The following NUP107 variants were observed in gnomAD, a reference collection of about 807,000 sequenced individuals.
The protein encoded by NUP107 is nuclear pore complex protein Nup107.
Under a neutral mutation model 141.0 loss-of-function variants are expected in NUP107, and 101 were observed. That is an observed-to-expected ratio of 0.72 (90% CI 0.61 to 0.84). The LOEUF (loss-of-function observed/expected upper bound fraction) is 0.84, where lower values mean the gene tolerates loss of function less well. NUP107 is among the 40% of genes least tolerant of loss of function. NUP107 has a pLI of 0.00. For synonymous variants in NUP107, 319 were observed against 363.9 expected (o/e 0.88, Z 1.41); for missense variants, 941 against 1,102.7 (o/e 0.85, Z 2.08).
intron 5 of NUP107, among the ~76,000 whole-genome samples, chr12:68,692,577 TA>T (rs1243139263): frequency 4.5e-4 from 51 of 112,650 alleles, no homozygotes; most frequent in Admixed American, 3.8e-4. Flanking sequence ...AGACTCCGTC[TA>T]AAAAAAAAAA....
At chr12:68,732,478 A>T (rs1230511135) in intron 22 of NUP107, 159 bp from the exon 23 acceptor site, 3 of 501,816 alleles carry the variant, frequency 6.0e-6, no homozygotes, top group Non-Finnish European at 1.1e-5. Context: ...ATATGAAAAT[A>T]CACTAAGGAA....
In NUP107 at chr12:68,719,327, T is replaced by A. The variant is rs1007761331; in HGVS notation, c.1084-14T>A. 2 of 1,610,022 alleles carry A rather than the reference T, an allele frequency of 1.2e-6. No individual in the cohort carries two copies. The highest frequency in any genetic ancestry group is 1.7e-6 in the Non-Finnish European group (2 of 1,176,896). On this transcript the variant is annotated splice_polypyrimidine_tract_variant and intron_variant, in intron 12 of 27. Coordinates refer to ENST00000229179, the MANE Select transcript of NUP107 (RefSeq NM_020401.4). ...CCTGGTTATTGGACTGACTGCTCTT[T>A]CTTGTTTTCTAAGGCACAACGACTC...
Position 68,742,466 on chromosome 12 carries a change from A to C in NUP107, c.*4A>C. On this transcript the variant is annotated 3_prime_UTR_variant, in exon 28 of 28. Coordinates refer to ENST00000229179, the MANE Select transcript of NUP107 (RefSeq NM_020401.4). ...AGGGTATGAAATTCAGTTATAGTTT[A>C]ATCTTTGTAATCTCACTAATTTTCA... is the stretch of plus-strand genomic sequence containing the variant. The C allele has an allele frequency of 7.4e-7, 1 of 1,357,096 alleles. No homozygotes were observed. 84.1% of individuals were successfully genotyped at this position (1,357,096 alleles called of 1,614,324 possible).
chr12:68,728,421 C>CT (rs775566595), intron 20 of NUP107, among the ~76,000 whole-genome samples: 62,116 of 112,504 alleles, frequency 0.55, 18,583 homozygotes, highest in Non-Finnish European at 0.58. Flanking sequence ...GAAAACCTGT[C>CT]TTTTTTTTTT....
chr12:68,733,359 C>T (rs1319475517), intron 23 of NUP107, 93 bp from the exon 24 acceptor site: 1 of 1,179,150 alleles, frequency 8.5e-7, no homozygotes, highest in Non-Finnish European at 1.2e-6. Context: ...AGTTACAGGT[C>T]ACTGTAAAAT....
chr12:68,710,005 C>T lies in NUP107; in HGVS notation c.802C>T (p.Leu268=), dbSNP rs1555177381. 9 of 1,565,620 alleles carry T rather than the reference C, an allele frequency of 5.7e-6. No homozygotes were observed. In the Admixed American group the frequency reaches 1.5e-4, roughly 27 times the overall value. ...QRDSLVRQSQ[L]VVDWLESIAK... is the part of the protein sequence containing the mutation. ...ATTTATTTTTTTCTTTCTTTCTTAG[C>T]TGGTGGTAGATTGGTTAGAGAGTAT... is the stretch of plus-strand genomic sequence containing the variant. Residue 268 remains leucine (L), a splice_region_variant and synonymous_variant, in exon 10 of 28, where the codon CTG becomes TTG. Transcript: ENST00000229179.
intron 9 of NUP107, among the ~76,000 whole-genome samples, chr12:68,709,757 T>G (rs1377978709): frequency 6.6e-6 from 1 of 151,714 alleles, no homozygotes. Flanking sequence ...GGTGTGGTGG[T>G]GGGCGCCTGT....
intron 1 of NUP107, among the ~76,000 whole-genome samples, chr12:68,687,948 A>G (rs1056135611): frequency 6.6e-6 from 1 of 152,144 alleles, no homozygotes; most frequent in Non-Finnish European, 1.5e-5. Context: ...AGGCTCTTTG[A>G]GGAGTAAGTA....
intron 6 of NUP107, among the ~76,000 whole-genome samples, chr12:68,698,779 A>T (rs1188473603): frequency 6.6e-6 from 1 of 152,226 alleles, no homozygotes; most frequent in Non-Finnish European, 1.5e-5. Context: ...GCCAGGAGTT[A>T]GTTGCGAGGG....
chr12:68,697,674 T>G (rs188697577), intron 6 of NUP107, among the ~76,000 whole-genome samples: 7 of 151,988 alleles, frequency 4.6e-5, no homozygotes, highest in Admixed American at 4.6e-4. Context: ...AGTTAAAAAA[T>G]GAACAAAAGA....
intron 5 of NUP107, among the ~76,000 whole-genome samples, chr12:68,692,910 C>T (rs984682306): frequency 6.6e-6 from 1 of 151,194 alleles, no homozygotes; most frequent in Non-Finnish European, 1.5e-5. Context: ...CTACCACACC[C>T]GGCTAATTTT....
At chr12:68,714,807 T>G (rs1292665207) in intron 11 of NUP107, among the ~76,000 whole-genome samples, 1 of 152,246 alleles carries the variant, frequency 6.6e-6, no homozygotes, top group African/African-American at 2.4e-5. Flanking sequence ...AGAAATCTGT[T>G]TAAATTTTTT....
chr12:68,731,612 G>T lies in NUP107; in HGVS notation c.1891G>T (p.Asp631Tyr). 6.5e-7 allele frequency: 1 copy of T among 1,545,462 alleles called. No homozygotes were observed. Among genetic ancestry groups the T allele is most frequent in the Non-Finnish European group, 8.7e-7 (1 of 1,150,820 alleles). Residue 631 changes from aspartate (D) to tyrosine (Y), a missense_variant, in exon 22 of 28, where the codon GAT becomes TAT. Transcript: ENST00000229179. ...CLELAKEADL[D>Y]VATITKTVVE... ...CGCTTCAAAAAATTATTTAGATTTG[G>T]ATGTTGCAACAATAACAAAAACTGT...
chr12:68,688,506 GCT>G (rs1271825825), intron 1 of NUP107, among the ~76,000 whole-genome samples: 5 of 152,158 alleles, frequency 3.3e-5, no homozygotes, highest in Non-Finnish European at 5.9e-5. Context: ...GTTGTTGCAA[GCT>G]CTGTTTGTTG....
chr12:68,715,608 CT>C lies in NUP107; in HGVS notation c.970-11del. ...ACAAAGGATTTATGGTTGATGATGA[CT>C]TTTTTTTCTTCTTACAGGACCCTGA... On this transcript the variant is annotated intron_variant, in intron 11 of 27. Transcript: ENST00000229179. 14 of 1,426,916 alleles carry C rather than the reference CT, an allele frequency of 9.8e-6. No homozygotes were observed. The highest frequency in any genetic ancestry group is 1.3e-5 in the Non-Finnish European group (13 of 1,011,888). The allele number at this position is 1,426,916 out of a possible 1,614,324, so 88.4% of individuals were successfully genotyped here. A position where few individuals can be genotyped will look rare whatever the true frequency, so the allele number is the denominator to read the frequency against.
chr12:68,725,837 G>GGTT (rs376106399), intron 18 of NUP107, 41 bp downstream of exon 18: 104,919 of 608,620 alleles, frequency 0.17, 6,045 homozygotes, highest in Admixed American at 0.2. Flanking sequence ...TTTTGTGTGT[G>GGTT]TTTTTTTTTT....
intron 26 of NUP107, among the ~76,000 whole-genome samples, chr12:68,735,909 G>A (rs952107025): frequency 3.3e-5 from 5 of 152,196 alleles, no homozygotes; most frequent in Non-Finnish European, 7.3e-5. Context: ...TATTTTCTGA[G>A]TCCAGGAAAA....
chr12:68,727,681 T>G (rs1877623866), intron 20 of NUP107, among the ~76,000 whole-genome samples: 1 of 152,218 alleles, frequency 6.6e-6, no homozygotes. Flanking sequence ...TTAACACATT[T>G]TGTATATTAC....
rs755288841 is a variant in NUP107, at chr12:68,696,808, A to G, written c.449-11A>G. 1.8e-6 allele frequency: 2 copies of G among 1,101,220 alleles called. No individual in the cohort carries two copies. Among genetic ancestry groups the G allele is most frequent in the South Asian group, 1.8e-5 (1 of 56,552 alleles). 68.2% of individuals were successfully genotyped at this position (1,101,220 alleles called of 1,614,324 possible). ...TTCTTTATTCCTTTTTTTTTTTTTG[A>G]TGTGTTCTAGCATCCATGAGTATGT... On this transcript the variant is annotated splice_polypyrimidine_tract_variant and intron_variant, in intron 5 of 27. Transcript: ENST00000229179.
Sources: allele counts gnomAD v4.1 joint callset (sites outside exome capture counted in the v4.1 genomes callset), GRCh38; gene constraint gnomAD v4.1.1; transcripts MANE v1.5; gene names NCBI Gene and HGNC (gene_info 2026-07-23, HGNC 2026-07-21).